Variants in GRID2 observed in about 807,000 individuals in gnomAD.
GRID2 encodes glutamate ionotropic receptor delta type subunit 2, also known as glutamate receptor ionotropic, delta-2.
A neutral mutation model predicts 114.8 loss-of-function variants in GRID2; 33 were observed. That is an observed-to-expected ratio of 0.29 (90% CI 0.22 to 0.38). The LOEUF is 0.38. Among genes scored for constraint, GRID2 ranks in the 10% least tolerant of loss-of-function variants. The probability of loss-of-function intolerance (pLI) is 1.00; values close to 1 mark genes in which losing one functional copy is unlikely to be tolerated. For missense variants in GRID2, 1,184 were observed against 1,257.7 expected (o/e 0.94, Z 0.89); for synonymous variants, 505 against 449.9 (o/e 1.12, Z -1.55).
At chr4:92,880,332 A>G (rs1745917607) in intron 2 of GRID2, among the ~76,000 whole-genome samples, 1 of 152,172 alleles carries the variant, frequency 6.6e-6, no homozygotes, top group African/African-American at 2.4e-5. Context: ...TTTCCTCTTT[A>G]TCTTAGATGT....
At chr4:93,741,685 T>G (rs1327891235) in intron 14 of GRID2, among the ~76,000 whole-genome samples, 1 of 152,180 alleles carries the variant, frequency 6.6e-6, no homozygotes, top group Non-Finnish European at 1.5e-5. Flanking sequence ...CCCAACAACT[T>G]GGGAGGCCGA....
At chr4:92,358,572 GGTA>G (rs1229172624) in intron 1 of GRID2, among the ~76,000 whole-genome samples, 2 of 151,772 alleles carry the variant, frequency 1.3e-5, no homozygotes, top group Non-Finnish European at 2.9e-5. Context: ...AAATATCAGT[GGTA>G]CTTCATTAAT....
At chr4:93,003,625 A>G (rs1721221902) in intron 2 of GRID2, among the ~76,000 whole-genome samples, 1 of 151,980 alleles carries the variant, frequency 6.6e-6, no homozygotes, top group Non-Finnish European at 1.5e-5. Flanking sequence ...TGGAAAAATT[A>G]GTCTGGCCAT....
At chr4:93,441,730 T>C (rs1191197069) in intron 10 of GRID2, among the ~76,000 whole-genome samples, 2 of 152,008 alleles carry the variant, frequency 1.3e-5, no homozygotes, top group African/African-American at 4.8e-5. Flanking sequence ...ACTGCGGACT[T>C]ACTCTTGCCT....
intron 4 of GRID2, among the ~76,000 whole-genome samples, chr4:93,161,806 G>A (rs2149408285): frequency 6.6e-6 from 1 of 151,558 alleles, no homozygotes; most frequent in Middle Eastern, 3.4e-3. Flanking sequence ...TGTAAATTGT[G>A]CTTACTAAAG....
chr4:93,649,597 G>A (rs1343142964), intron 14 of GRID2, among the ~76,000 whole-genome samples: 1 of 152,060 alleles, frequency 6.6e-6, no homozygotes, highest in Non-Finnish European at 1.5e-5. Flanking sequence ...AAGTCTATAG[G>A]TCTCTTGATA....
chr4:93,562,544 A>G (rs1052767639), intron 13 of GRID2, among the ~76,000 whole-genome samples: 1 of 152,068 alleles, frequency 6.6e-6, no homozygotes, highest in Non-Finnish European at 1.5e-5. Flanking sequence ...TTTAATTTTA[A>G]TGAAGTCCAG....
intron 8 of GRID2, among the ~76,000 whole-genome samples, chr4:93,268,278 T>C (rs1035009999): frequency 6.6e-6 from 1 of 152,076 alleles, no homozygotes; most frequent in African/African-American, 2.4e-5. Flanking sequence ...GAAAGAGAAA[T>C]ACCTCTGTCT....
At chr4:93,700,542 A>C (rs1727421270) in intron 14 of GRID2, among the ~76,000 whole-genome samples, 1 of 152,118 alleles carries the variant, frequency 6.6e-6, no homozygotes, top group African/African-American at 2.4e-5. Flanking sequence ...TATATTAACA[A>C]TGTCTTTACA....
At chr4:93,433,652 C>T (rs1265912198) in intron 10 of GRID2, among the ~76,000 whole-genome samples, 4 of 152,142 alleles carry the variant, frequency 2.6e-5, no homozygotes, top group African/African-American at 7.2e-5. Flanking sequence ...TCTAGGATCC[C>T]GCACACTGGG....
intron 2 of GRID2, among the ~76,000 whole-genome samples, chr4:92,989,925 G>A (rs190015650): frequency 4.1e-4 from 63 of 152,168 alleles, no homozygotes; most frequent in Non-Finnish European, 5.1e-4. Context: ...TATTTAAAAT[G>A]TTCACTTTAT....
chr4:92,551,571 TCATTTATG>T (rs1171373332), intron 1 of GRID2, among the ~76,000 whole-genome samples: 5 of 152,134 alleles, frequency 3.3e-5, no homozygotes, highest in African/African-American at 1.2e-4. Context: ...AGCTAATCAT[TCATTTATG>T]CATCTATTCA....
intron 7 of GRID2, among the ~76,000 whole-genome samples, chr4:93,229,013 T>C (rs1424381227): frequency 6.6e-6 from 1 of 152,186 alleles, no homozygotes; most frequent in Non-Finnish European, 1.5e-5. Flanking sequence ...CATTTGTCCC[T>C]GTCAGCTTCT....
intron 14 of GRID2, among the ~76,000 whole-genome samples, chr4:93,733,641 A>C (rs559849780): frequency 2.9e-4 from 44 of 152,092 alleles, no homozygotes; most frequent in Admixed American, 2.4e-3. Context: ...CAAATCCCAA[A>C]CATTTCAGTG....
intron 14 of GRID2, among the ~76,000 whole-genome samples, chr4:93,651,462 G>C (rs1033460980): frequency 9.2e-5 from 14 of 152,120 alleles, no homozygotes; most frequent in African/African-American, 3.4e-4. Flanking sequence ...GCGTATCTTT[G>C]AATCCTTAAG....
chr4:93,427,752 A>G (rs1048402863), intron 10 of GRID2, among the ~76,000 whole-genome samples: 1 of 152,084 alleles, frequency 6.6e-6, no homozygotes, highest in African/African-American at 2.4e-5. Context: ...GAGTCTATTT[A>G]AAAACTAATA....
At chr4:92,666,664 T>TTTTTGTTTTG (rs1732800480) in intron 2 of GRID2, among the ~76,000 whole-genome samples, 1 of 148,542 alleles carries the variant, frequency 6.7e-6, no homozygotes, top group Non-Finnish European at 1.5e-5. Flanking sequence ...TTTTTTTTTT[T>TTTTTGTTTTG]TTTTTTCAGA....
chr4:93,289,275 C>T (rs998836688), intron 8 of GRID2, among the ~76,000 whole-genome samples: 1 of 152,062 alleles, frequency 6.6e-6, no homozygotes, highest in Admixed American at 6.6e-5. Flanking sequence ...AAATAAACTT[C>T]TGAAAGAAAA....
At chr4:93,769,171 A>G in intron 14 of GRID2, 39 bp from the exon 15 acceptor site, 1 of 1,606,458 alleles carries the variant, frequency 6.2e-7, no homozygotes, top group Non-Finnish European at 8.5e-7. Context: ...GGCGATAACT[A>G]TGTCTGTAAT....
Sources: allele counts gnomAD v4.1 joint callset (sites outside exome capture counted in the v4.1 genomes callset), GRCh38; gene constraint gnomAD v4.1.1; transcripts MANE v1.5; gene names NCBI Gene and HGNC (gene_info 2026-07-23, HGNC 2026-07-21).